Variants in ASCC2 observed in about 807,000 individuals in gnomAD.
The protein encoded by ASCC2 is ASC-1 complex subunit P100.
ASCC2 carries 42 observed loss-of-function variants against 93.5 expected under a neutral mutation model. That is an observed-to-expected ratio of 0.45 (90% CI 0.35 to 0.58). The LOEUF (loss-of-function observed/expected upper bound fraction) is 0.58. ASCC2 is among the 20% of genes least tolerant of loss of function. ASCC2 has a pLI of 0.00. For synonymous variants in ASCC2, 364 were observed against 384.2 expected, an observed-to-expected ratio of 0.95 and a Z score of 0.62; for missense variants, 859 against 977.6, an observed-to-expected ratio of 0.88 and a Z score of 1.62.
At chr22:29,789,223 C>A in intron 19 of ASCC2, 39 bp from the exon 20 acceptor site, 1 of 1,612,500 alleles carries the variant, frequency 6.2e-7, no homozygotes, top group Non-Finnish European at 8.5e-7. Flanking sequence ...AACCTGTCAG[C>A]CGGAAGAGGC....
At chr22:29,823,370 G>C (rs1034838914) in intron 4 of ASCC2, among the ~76,000 whole-genome samples, 1 of 152,144 alleles carries the variant, frequency 6.6e-6, no homozygotes, top group African/African-American at 2.4e-5. Flanking sequence ...AACAAAGCAT[G>C]CTATAAAACA....
chr22:29,793,901 GTTT>G (rs1266418835), intron 15 of ASCC2, among the ~76,000 whole-genome samples: 2 of 140,140 alleles, frequency 1.4e-5, no homozygotes, highest in African/African-American at 2.6e-5. Context: ...AAGAGCCACT[GTTT>G]TTTTTTTTTT....
chr22:29,818,243 G>A (rs1429377827), intron 5 of ASCC2, among the ~76,000 whole-genome samples: 3 of 151,914 alleles, frequency 2.0e-5, no homozygotes, highest in African/African-American at 7.3e-5. Flanking sequence ...TATAGAAATC[G>A]GCGGCTGCCC....
chr22:29,808,658 A>G (rs544961666), intron 8 of ASCC2, among the ~76,000 whole-genome samples: 1 of 152,020 alleles, frequency 6.6e-6, no homozygotes, highest in South Asian at 2.1e-4. Flanking sequence ...CTCCATCTCT[A>G]CAAAAAATAC....
At chr22:29,820,482 T>TG (rs2061422308) in intron 5 of ASCC2, among the ~76,000 whole-genome samples, 1 of 151,974 alleles carries the variant, frequency 6.6e-6, no homozygotes, top group Non-Finnish European at 1.5e-5. Context: ...ATATACATTA[T>TG]GATCAAGTAT....
intron 13 of ASCC2, 83 bp from the exon 14 acceptor site, chr22:29,802,291 G>C: frequency 7.3e-7 from 1 of 1,377,436 alleles, no homozygotes; most frequent in Non-Finnish European, 1.0e-6. Context: ...ACTGGACTAG[G>C]CATCAGGGAT....
chr22:29,827,757 GACACACACAC>G (rs35763537), intron 2 of ASCC2, among the ~76,000 whole-genome samples: 1 of 100,934 alleles, frequency 9.9e-6, no homozygotes, highest in Non-Finnish European at 2.0e-5. Flanking sequence ...TCATTCTCCC[GACACACACAC>G]ACACACACAC....
chr22:29,825,594 C>T lies in ASCC2; in HGVS notation c.240+28G>A, dbSNP rs2148242888. 1 of 1,614,062 alleles carries T rather than the reference C, an allele frequency of 6.2e-7. No homozygotes were observed. ...ACCAATGGCATGTCATGTGCTTTGT[C>T]TTAGCGTTAATTTTGATAGAATGTT... is the stretch of plus-strand genomic sequence containing the variant. On this transcript the variant is annotated intron_variant, in intron 3 of 19. Transcript: ENST00000307790. The surrounding 1 kb of genome is among the most constrained non-coding windows in gnomAD (Gnocchi z 4.9).
rs755192913 is a variant in ASCC2 at position 29,808,116 on chromosome 22, A to G, written c.903T>C (p.Asp301=). The G allele has an allele frequency of 5.6e-6, 9 of 1,614,070 alleles. No homozygotes were observed. In the African/African-American group the frequency reaches 1.1e-4, roughly 19 times the overall value. Residue 301 remains aspartate, a synonymous_variant, in exon 9 of 20, where the codon GAT becomes GAC. Coordinates refer to ENST00000307790, the MANE Select transcript of ASCC2 (RefSeq NM_032204.5). ...TAATTTTGTCCCCGCCTCACTTGCT[A>G]TCTTCAAGCCTCCTCTTCTTAATTG... The part of the protein sequence containing the change: ...ESAIKKRRLE[D]SKLLGDLWQR...
At chr22:29,834,575 A>G (rs1332726764) in intron 1 of ASCC2, 1 of 471,004 alleles carries the variant, frequency 2.1e-6, no homozygotes, top group Non-Finnish European at 4.4e-6. Flanking sequence ...CAAGGCAAAG[A>G]AAGTAATAAA....
At chr22:29,815,353 A>C (rs928374461) in intron 6 of ASCC2, 1 of 152,924 alleles carries the variant, frequency 6.5e-6, no homozygotes, top group African/African-American at 2.4e-5. Flanking sequence ...ATCTGACCGC[A>C]TAGGCCAGGC....
chr22:29,808,317 G>C, intron 8 of ASCC2, 132 bp from the exon 9 acceptor site: 1 of 919,238 alleles, frequency 1.1e-6, no homozygotes, highest in Admixed American at 2.2e-5. Flanking sequence ...GGGACCCCTT[G>C]GTTCTTCCCT....
At chr22:29,806,665 T>A in intron 10 of ASCC2, 112 bp from the exon 11 acceptor site, 2 of 1,423,604 alleles carry the variant, frequency 1.4e-6, no homozygotes, top group South Asian at 2.4e-5. Flanking sequence ...GAATGAGGCA[T>A]TTTTCTTGGT....
rs750342179 is a variant in ASCC2, at chr22:29,790,493, C to T, written c.2078G>A (p.Arg693His). Residue 693 changes from arginine (R) to histidine (H), a missense_variant, in exon 19 of 20, where the codon CGC (arginine) becomes CAC (histidine). Coordinates refer to ENST00000307790, the MANE Select transcript of ASCC2 (RefSeq NM_032204.5). ...AVLREKAEAR[R>H]MAFLAKKGYR... ...CCCTTTCTTGGCGAGAAAGGCCATG[C>T]GCCTGGCTTCTGCCTTCTCTCTCAG... 8.1e-6 allele frequency: 13 copies of T among 1,614,004 alleles called. No individual in the cohort carries two copies. The highest frequency in any genetic ancestry group is 2.7e-5 in the African/African-American group (2 of 74,936).
chr22:29,834,559 A>G (rs993615159), intron 1 of ASCC2: 1 of 471,040 alleles, frequency 2.1e-6, no homozygotes, highest in Non-Finnish European at 4.4e-6. Flanking sequence ...GCCTGAAAAA[A>G]AATCACAAGG....
intron 2 of ASCC2, among the ~76,000 whole-genome samples, chr22:29,828,279 G>A (rs889529817): frequency 6.6e-6 from 1 of 152,154 alleles, no homozygotes; most frequent in Non-Finnish European, 1.5e-5. Flanking sequence ...GACAGATTTG[G>A]TGAATGCTGG....
At chr22:29,805,372 C>T (rs1027231262) in intron 12 of ASCC2, among the ~76,000 whole-genome samples, 1 of 152,178 alleles carries the variant, frequency 6.6e-6, no homozygotes, top group African/African-American at 2.4e-5. Flanking sequence ...TCCCTCACTG[C>T]TTCTTGTCCA....
At chr22:29,811,711 T>C (rs2087347010) in intron 8 of ASCC2, among the ~76,000 whole-genome samples, 1 of 152,206 alleles carries the variant, frequency 6.6e-6, no homozygotes, top group Admixed American at 6.5e-5. Flanking sequence ...TGGGTATAGC[T>C]TCTCCCCTGC....
chr22:29,820,287 CG>C (rs1310502514), intron 5 of ASCC2, among the ~76,000 whole-genome samples: 1 of 151,976 alleles, frequency 6.6e-6, no homozygotes, highest in Admixed American at 6.6e-5. Context: ...CTCAGCCTCC[CG>C]GGTAGCTGGG....
Sources: allele counts gnomAD v4.1 joint callset (sites outside exome capture counted in the v4.1 genomes callset), GRCh38; gene constraint gnomAD v4.1.1; non-coding constraint Gnocchi (gnomAD v3.1); transcripts MANE v1.5; gene names NCBI Gene and HGNC (gene_info 2026-07-23, HGNC 2026-07-21).